Variants in IFT25 observed in about 807,000 individuals in gnomAD.
IFT25 encodes the protein intraflagellar transport 25.
At chr1:53,943,259 G>C in the IFT25 span, among the ~76,000 whole-genome samples, 3 of 152,182 alleles carry the variant, frequency 2.0e-5, no homozygotes, top group African/African-American at 7.2e-5. Flanking sequence ...AGAAATCTAC[G>C]AAGGAAGCCA....
chr1:53,932,449 T>C, the IFT25 span, among the ~76,000 whole-genome samples: 1 of 152,228 alleles, frequency 6.6e-6, no homozygotes, highest in Non-Finnish European at 1.5e-5. Flanking sequence ...CTGAATATCT[T>C]TTTGTTGTTT....
chr1:53,925,743 C>CA, the IFT25 span, among the ~76,000 whole-genome samples: 1 of 151,438 alleles, frequency 6.6e-6, no homozygotes, highest in Non-Finnish European at 1.5e-5. Context: ...CACATATACC[C>CA]ATAAGCTAGA....
chr1:53,917,834 GA>G, the IFT25 span, among the ~76,000 whole-genome samples: 76 of 141,944 alleles, frequency 5.4e-4, no homozygotes, highest in East Asian at 7.7e-3. Context: ...TCTCAAAAAA[GA>G]AAAAAAAAAA....
At chr1:53,928,331 C>A in the IFT25 span, 4 of 1,413,414 alleles carry the variant, frequency 2.8e-6, no homozygotes, top group Non-Finnish European at 4.0e-6. Context: ...GGAATATTAT[C>A]TACTCCTTCA....
At chr1:53,928,709 G>A in the IFT25 span, 1 of 362,356 alleles carries the variant, frequency 2.8e-6, no homozygotes, top group South Asian at 5.6e-5. Flanking sequence ...ATTTTTTTGT[G>A]TGTATGGCGA....
At chr1:53,939,159 A>C in the IFT25 span, among the ~76,000 whole-genome samples, 1 of 151,782 alleles carries the variant, frequency 6.6e-6, no homozygotes, top group African/African-American at 2.4e-5. Context: ...TGGAAGGCTA[A>C]GGTGCGCGGA....
the IFT25 span, among the ~76,000 whole-genome samples, chr1:53,938,194 T>C: frequency 6.6e-6 from 1 of 152,222 alleles, no homozygotes; most frequent in Non-Finnish European, 1.5e-5. Context: ...ACAAAGTATC[T>C]ATGAAATTAT....
the IFT25 span, among the ~76,000 whole-genome samples, chr1:53,913,988 G>A: frequency 5.9e-5 from 9 of 152,182 alleles, no homozygotes; most frequent in Non-Finnish European, 1.0e-4. Flanking sequence ...CCAGTTTATG[G>A]TATTTTGTTA....
the IFT25 span, among the ~76,000 whole-genome samples, chr1:53,914,298 G>T: frequency 6.6e-6 from 1 of 152,160 alleles, no homozygotes; most frequent in Non-Finnish European, 1.5e-5. Context: ...ACAGTACTTA[G>T]TGAGTGGGCG....
At chr1:53,943,437 G>C in the IFT25 span, among the ~76,000 whole-genome samples, 1 of 151,698 alleles carries the variant, frequency 6.6e-6, no homozygotes, top group Non-Finnish European at 1.5e-5. Context: ...GGCCTCCAAG[G>C]GACACTTCAA....
the IFT25 span, among the ~76,000 whole-genome samples, chr1:53,917,563 C>T: frequency 1.3e-5 from 2 of 152,182 alleles, no homozygotes; most frequent in Admixed American, 1.3e-4. Flanking sequence ...CAGTGGCTAA[C>T]ACCTGTAATC....
the IFT25 span, among the ~76,000 whole-genome samples, chr1:53,915,942 T>A: frequency 1.3e-5 from 2 of 152,258 alleles, no homozygotes; most frequent in Middle Eastern, 3.4e-3. Context: ...CCCAACACTT[T>A]GGGAGGCCAA....
chr1:53,919,345 C>T, the IFT25 span, among the ~76,000 whole-genome samples: 1 of 152,218 alleles, frequency 6.6e-6, no homozygotes, highest in Non-Finnish European at 1.5e-5. Flanking sequence ...TGCTACTTTT[C>T]AGAAGGCTGA....
chr1:53,925,157 G>T, the IFT25 span, among the ~76,000 whole-genome samples: 1 of 151,720 alleles, frequency 6.6e-6, no homozygotes, highest in Non-Finnish European at 1.5e-5. Context: ...TTTTAAAACC[G>T]AAATCCCCTC....
At chr1:53,921,807 G>A in the IFT25 span, 1 of 1,241,318 alleles carries the variant, frequency 8.1e-7, no homozygotes, top group Non-Finnish European at 1.2e-6. Context: ...TTTTAGCAGT[G>A]CTAGTTAACT....
chr1:53,912,512 G>A, the IFT25 span, among the ~76,000 whole-genome samples: 1 of 152,226 alleles, frequency 6.6e-6, no homozygotes, highest in Non-Finnish European at 1.5e-5. Context: ...GCACAGAGGA[G>A]ACAGCAATCC....
the IFT25 span, among the ~76,000 whole-genome samples, chr1:53,936,978 T>C: frequency 6.6e-6 from 1 of 152,162 alleles, no homozygotes; most frequent in African/African-American, 2.4e-5. Context: ...ATTTAACTCT[T>C]ATTTCTGAAG....
chr1:53,945,856 C>A, the IFT25 span: 1 of 146,526 alleles, frequency 6.8e-6, no homozygotes, highest in South Asian at 2.1e-4. Flanking sequence ...CCGCCCCACC[C>A]CGCCACCGCG....
chr1:53,915,263 A>C, the IFT25 span, among the ~76,000 whole-genome samples: 2 of 152,200 alleles, frequency 1.3e-5, no homozygotes. Context: ...CTTACATTCT[A>C]GTGAGAGAGA....
Sources: allele counts gnomAD v4.1 joint callset (sites outside exome capture counted in the v4.1 genomes callset), GRCh38; gene constraint gnomAD v4.1.1; transcripts MANE v1.5; gene names NCBI Gene and HGNC (gene_info 2026-07-23, HGNC 2026-07-21).